The following KHDRBS2 variants were observed in gnomAD, a reference collection of about 807,000 sequenced individuals.
KHDRBS2 encodes KH RNA binding domain containing, signal transduction associated 2.
Under a neutral mutation model 44.3 loss-of-function variants are expected in KHDRBS2, and 26 were observed. The observed-to-expected ratio is 0.59, with a 90% CI of 0.43 to 0.81. The LOEUF (loss-of-function observed/expected upper bound fraction) is 0.81, where lower values mean the gene tolerates loss of function less well. Ranked by LOEUF, KHDRBS2 falls within the 40% of genes least tolerant of loss-of-function variation. The probability of loss-of-function intolerance (pLI) is 0.00; values close to 1 mark genes in which losing one functional copy is unlikely to be tolerated. For synonymous variants in KHDRBS2, 194 were observed against 151.1 expected (o/e 1.28, Z -2.08); for missense variants, 476 against 433.1 (o/e 1.10, Z -0.88).
chr6:62,025,531 T>A (rs1783141855), intron 3 of KHDRBS2, among the ~76,000 whole-genome samples: 1 of 151,912 alleles, frequency 6.6e-6, no homozygotes, highest in Non-Finnish European at 1.5e-5. Context: ...AAGGATAAAT[T>A]TTTTTTAAAT....
intron 1 of KHDRBS2, among the ~76,000 whole-genome samples, chr6:62,208,260 C>T (rs1293613992): frequency 6.6e-6 from 1 of 152,032 alleles, no homozygotes; most frequent in African/African-American, 2.4e-5. Flanking sequence ...CCCTTTGTTG[C>T]ACAGGCTTGA....
chr6:61,766,054 G>A (rs1204636342), intron 6 of KHDRBS2, among the ~76,000 whole-genome samples: 2 of 151,684 alleles, frequency 1.3e-5, no homozygotes, highest in African/African-American at 4.8e-5. Flanking sequence ...GAGGATTGGT[G>A]TTAGTTCTTC....
rs138167333 is a variant in KHDRBS2 at position 62,148,871 on chromosome 6, C to T, written c.219+28314G>A. ...TTTATCTTACGTAAAAATTCAGATT[C>T]ACTGAGCTAGGTGAATGCATAAGTA... On this transcript the variant is annotated intron_variant, in intron 2 of 8. Transcript: ENST00000281156. Among the ~76,000 whole-genome samples the T allele has an allele frequency of 6.6e-4, 101 of 152,184 alleles. 1 individual carries two copies. The highest frequency in any genetic ancestry group is 4.1e-3 in the East Asian group (21 of 5,180).
At chr6:61,994,236 G>C (rs1776750794) in intron 3 of KHDRBS2, among the ~76,000 whole-genome samples, 2 of 152,134 alleles carry the variant, frequency 1.3e-5, no homozygotes, top group South Asian at 4.1e-4. Context: ...GTAATCCAAG[G>C]ATATGGTCAC....
At chr6:61,656,300 G>A in the KHDRBS2 span, among the ~76,000 whole-genome samples, 1 of 151,916 alleles carries the variant, frequency 6.6e-6, no homozygotes, top group Non-Finnish European at 1.5e-5. Context: ...TTCTCTGGCA[G>A]GCACTTTTTT....
At chr6:61,995,917 A>C (rs1304696654) in intron 3 of KHDRBS2, among the ~76,000 whole-genome samples, 3 of 152,230 alleles carry the variant, frequency 2.0e-5, no homozygotes, top group Non-Finnish European at 4.4e-5. Flanking sequence ...TCAGTTACTT[A>C]ATTTTAAATG....
chr6:61,972,195 T>C (rs151233339), intron 4 of KHDRBS2, among the ~76,000 whole-genome samples: 2 of 152,288 alleles, frequency 1.3e-5, no homozygotes, highest in East Asian at 3.9e-4. Context: ...CTTTTATCTG[T>C]CTTCCAAGTT....
rs189927382 is a variant in KHDRBS2, at chr6:61,839,277, T to C, written c.810+55358A>G. ...GTAATTATGTATTTATTTCTGATTA[T>C]TTGTATCATTTCTCTATCTCCCCAC... On this transcript the variant is annotated intron_variant, in intron 6 of 8. Coordinates refer to ENST00000281156, the MANE Select transcript of KHDRBS2 (RefSeq NM_152688.4). Among the ~76,000 whole-genome samples, 132 of 152,240 alleles carry C rather than the reference T, an allele frequency of 8.7e-4. 2 individuals are homozygous for C. Among genetic ancestry groups the C allele is most frequent in the Admixed American group, 8.7e-3 (132 of 15,254 alleles).
At chr6:61,804,853 C>T (rs1213295555) in intron 6 of KHDRBS2, among the ~76,000 whole-genome samples, 4 of 152,192 alleles carry the variant, frequency 2.6e-5, no homozygotes, top group African/African-American at 7.2e-5. Flanking sequence ...TCTTAGGCCT[C>T]TGGGCCTGTG....
At chr6:62,224,788 T>C (rs975484778) in intron 1 of KHDRBS2, among the ~76,000 whole-genome samples, 4 of 152,240 alleles carry the variant, frequency 2.6e-5, no homozygotes, top group Non-Finnish European at 5.9e-5. Flanking sequence ...AAGCCTTTTA[T>C]ATGCTACTTG....
chr6:61,899,738 C>CCT lies in KHDRBS2; in HGVS notation c.611+1505_611+1506insAG, dbSNP rs569615947. Among the ~76,000 whole-genome samples the CCT allele has an allele frequency of 2.4e-3, 333 of 139,380 alleles. 8 individuals are homozygous for CCT. The South Asian group carries it at 0.03, about 12-fold the overall frequency. 91.4% of individuals were successfully genotyped at this position (139,380 alleles called of 152,430 possible). ...GATAAATTCATTGTTTTAATGCCCC[C>CCT]CCCCCGCATTTTAAGGCATACAAAA... On this transcript the variant is annotated intron_variant, in intron 5 of 8. Transcript: ENST00000281156.
At chr6:61,697,131 G>C (rs746876114) in intron 8 of KHDRBS2, 64 bp downstream of exon 8, 4 of 1,035,690 alleles carry the variant, frequency 3.9e-6, no homozygotes, top group Non-Finnish European at 6.1e-6. Flanking sequence ...TGGAAATAAT[G>C]TTTGAATTGT....
chr6:61,842,747 T>C (rs1313717630), intron 6 of KHDRBS2, among the ~76,000 whole-genome samples: 1 of 152,134 alleles, frequency 6.6e-6, no homozygotes, highest in Non-Finnish European at 1.5e-5. Flanking sequence ...ACAACACATG[T>C]CCACACAAAA....
At chr6:61,598,024 C>A in the KHDRBS2 span, among the ~76,000 whole-genome samples, 1 of 150,098 alleles carries the variant, frequency 6.7e-6, no homozygotes, top group Non-Finnish European at 1.5e-5. Flanking sequence ...GAGCAGCCAG[C>A]CTTTCACTGG....
In KHDRBS2 at chr6:61,894,846, A is replaced by C. The variant is rs373189323; in HGVS notation, c.612-13T>G. On this transcript the variant is annotated splice_polypyrimidine_tract_variant and intron_variant, in intron 5 of 8. Coordinates refer to ENST00000281156, the MANE Select transcript of KHDRBS2 (RefSeq NM_152688.4). ...ACCCCCACGGCCCCTAAGAGAAACAAGTCATGTATAGATGAGAAACAGGTG... is the reference window on the plus strand; with the variant it reads ...ACCCCCACGGCCCCTAAGAGAAACACGTCATGTATAGATGAGAAACAGGTG... The C allele has an allele frequency of 2.3e-5, 37 of 1,596,798 alleles. No individual in the cohort carries two copies. The highest frequency in any genetic ancestry group is 2.9e-5 in the Non-Finnish European group (34 of 1,168,444).
intron 6 of KHDRBS2, among the ~76,000 whole-genome samples, chr6:61,848,510 T>TACAC (rs1491479304): frequency 2.3e-4 from 11 of 48,164 alleles, no homozygotes; most frequent in African/African-American, 3.5e-4. Flanking sequence ...TATATATATA[T>TACAC]GTATATATGT....
rs141275769 is a variant in KHDRBS2, at chr6:61,825,380, C to T, written c.810+69255G>A. 4.6e-5 allele frequency among the ~76,000 whole-genome samples: 7 copies of T among 152,246 alleles called. No individual in the cohort carries two copies. The East Asian group carries it at 1.4e-3, about 29-fold the overall frequency. On this transcript the variant is annotated intron_variant, in intron 6 of 8. Transcript: ENST00000281156. ...CTGAATTTGCTCACATAAATAGCTG[C>T]CATAATTCTGCATCTAATCATGCTT...
intron 2 of KHDRBS2, among the ~76,000 whole-genome samples, chr6:62,087,561 A>G (rs1223621179): frequency 1.3e-5 from 2 of 152,166 alleles, no homozygotes; most frequent in African/African-American, 4.8e-5. Context: ...ATATTTCCAA[A>G]TAGGATGAGA....
At chr6:61,780,609 T>G (rs1247806861) in intron 6 of KHDRBS2, among the ~76,000 whole-genome samples, 1 of 152,248 alleles carries the variant, frequency 6.6e-6, no homozygotes, top group Non-Finnish European at 1.5e-5. Context: ...ACTAACATTT[T>G]ACTTACTGAA....
Sources: allele counts gnomAD v4.1 joint callset (sites outside exome capture counted in the v4.1 genomes callset), GRCh38; gene constraint gnomAD v4.1.1; transcripts MANE v1.5; gene names NCBI Gene and HGNC (gene_info 2026-07-23, HGNC 2026-07-21).